Variants in CNGB3 observed in about 807,000 individuals in gnomAD.
The protein encoded by CNGB3 is cyclic nucleotide gated channel subunit beta 3.
In CNGB3, 86 loss-of-function variants were observed where a neutral mutation model predicts 92.8. That is an observed-to-expected ratio of 0.93 (90% CI 0.78 to 1.11). The LOEUF (loss-of-function observed/expected upper bound fraction) is 1.11, where lower values mean the gene tolerates loss of function less well. CNGB3 is among the 50% of genes least tolerant of loss of function. The pLI is 0.00. For synonymous variants in CNGB3, 333 were observed against 332.7 expected (o/e 1.00, Z -0.01); for missense variants, 1,026 against 956.8 (o/e 1.07, Z -0.95).
intron 6 of CNGB3, chr8:86,660,526 T>C: frequency 1.9e-6 from 1 of 533,434 alleles, no homozygotes; most frequent in Non-Finnish European, 3.8e-6. Flanking sequence ...AGGGACGATT[T>C]TTCTCATGCA....
At chr8:86,684,358 G>A (rs1824142219) in intron 3 of CNGB3, among the ~76,000 whole-genome samples, 1 of 152,074 alleles carries the variant, frequency 6.6e-6, no homozygotes, top group African/African-American at 2.4e-5. Context: ...ATGCTGGCAA[G>A]CCTGGGAAGA....
chr8:86,675,194 T>G (rs2131622609), intron 3 of CNGB3, among the ~76,000 whole-genome samples: 1 of 152,214 alleles, frequency 6.6e-6, no homozygotes, highest in Non-Finnish European at 1.5e-5. Flanking sequence ...ACTCCTGACC[T>G]CATGTGATCC....
At chr8:86,704,173 C>G (rs1279700860) in intron 3 of CNGB3, 10 of 152,132 alleles carry the variant, frequency 6.6e-5, no homozygotes, top group Admixed American at 6.6e-4. Context: ...TAAAGCAAGC[C>G]AGAGAAGAGA....
chr8:86,691,600 T>C (rs1212131051), intron 3 of CNGB3, among the ~76,000 whole-genome samples: 1 of 152,202 alleles, frequency 6.6e-6, no homozygotes, highest in Non-Finnish European at 1.5e-5. Flanking sequence ...CTAGTTGAGC[T>C]TCTTTGGATC....
chr8:86,639,401 A>G (rs575765860), intron 10 of CNGB3, among the ~76,000 whole-genome samples: 1 of 152,220 alleles, frequency 6.6e-6, no homozygotes, highest in African/African-American at 2.4e-5. Flanking sequence ...ACTCAATATA[A>G]ATAAAAATGC....
intron 3 of CNGB3, among the ~76,000 whole-genome samples, chr8:86,692,952 G>C (rs528221472): frequency 6.6e-6 from 1 of 152,204 alleles, no homozygotes; most frequent in Admixed American, 6.5e-5. Flanking sequence ...GGATTTGTTT[G>C]TCTGGGAAAG....
chr8:86,594,434 T>A (rs1822124730), intron 15 of CNGB3: 2 of 291,298 alleles, frequency 6.9e-6, no homozygotes, highest in South Asian at 6.3e-5. Flanking sequence ...ATCCACTGTG[T>A]GGTGCATGTT....
intron 2 of CNGB3, among the ~76,000 whole-genome samples, chr8:86,738,756 G>A (rs1825288601): frequency 6.6e-6 from 1 of 151,724 alleles, no homozygotes; most frequent in South Asian, 2.1e-4. Context: ...CAGGAGAATG[G>A]CCTGAACCCG....
At chr8:86,642,059 T>C (rs1823199204) in intron 10 of CNGB3, among the ~76,000 whole-genome samples, 1 of 151,760 alleles carries the variant, frequency 6.6e-6, no homozygotes, top group Non-Finnish European at 1.5e-5. Flanking sequence ...CTCTTCCTGC[T>C]TTTATATACC....
At chr8:86,579,343 A>G (rs1293031654) in intron 15 of CNGB3, 91 bp from the exon 16 acceptor site, 3 of 1,422,856 alleles carry the variant, frequency 2.1e-6, no homozygotes, top group Non-Finnish European at 2.9e-6. Flanking sequence ...ATAAGTATTT[A>G]TACTGCTTCA....
intron 3 of CNGB3, among the ~76,000 whole-genome samples, chr8:86,719,090 A>G (rs550714641): frequency 6.6e-6 from 1 of 151,972 alleles, no homozygotes; most frequent in East Asian, 1.9e-4. Context: ...AGTTGAAAGC[A>G]TTCCCCTTGA....
At chr8:86,686,008 G>T (rs2131632087) in intron 3 of CNGB3, among the ~76,000 whole-genome samples, 1 of 152,134 alleles carries the variant, frequency 6.6e-6, no homozygotes, top group African/African-American at 2.4e-5. Context: ...GGAGAATAAT[G>T]TATTAATAAT....
intron 14 of CNGB3, among the ~76,000 whole-genome samples, chr8:86,606,350 C>T (rs1221027667): frequency 6.6e-6 from 1 of 151,842 alleles, no homozygotes; most frequent in Admixed American, 6.6e-5. Context: ...AGGGTTTTGC[C>T]ATGTTGTCCA....
intron 6 of CNGB3, chr8:86,658,311 G>A (rs983232222): frequency 3.6e-5 from 18 of 493,824 alleles, no homozygotes; most frequent in African/African-American, 9.9e-5. Context: ...CAGTTCCTCC[G>A]GGATGCTTGG....
At chr8:86,589,994 C>G (rs974902417) in intron 15 of CNGB3, among the ~76,000 whole-genome samples, 5 of 145,918 alleles carry the variant, frequency 3.4e-5, no homozygotes, top group Admixed American at 2.7e-4. Flanking sequence ...GTAGGTCACT[C>G]AGGACTTGCT....
At chr8:86,700,708 G>C (rs1482940081) in intron 3 of CNGB3, among the ~76,000 whole-genome samples, 1 of 152,054 alleles carries the variant, frequency 6.6e-6, no homozygotes, top group Non-Finnish European at 1.5e-5. Context: ...GCATGATCTC[G>C]GCTCACTGCA....
At chr8:86,653,462 A>G (rs932202323) in intron 7 of CNGB3, among the ~76,000 whole-genome samples, 4 of 152,110 alleles carry the variant, frequency 2.6e-5, no homozygotes, top group South Asian at 2.1e-4. Context: ...GTGAGAGGCT[A>G]GAGTTCACTC....
chr8:86,625,958 G>T, intron 13 of CNGB3, 25 bp downstream of exon 13: 1 of 1,535,960 alleles, frequency 6.5e-7, no homozygotes, highest in Non-Finnish European at 9.0e-7. Context: ...TAGATACAGA[G>T]TCTATTAATT....
chr8:86,728,019 A>C (rs576217142), intron 2 of CNGB3, among the ~76,000 whole-genome samples: 24 of 152,302 alleles, frequency 1.6e-4, no homozygotes, highest in African/African-American at 5.8e-4. Context: ...TAAAATTTTT[A>C]AAAGTTTAAG....
Sources: allele counts gnomAD v4.1 joint callset (sites outside exome capture counted in the v4.1 genomes callset), GRCh38; gene constraint gnomAD v4.1.1; transcripts MANE v1.5; gene names NCBI Gene and HGNC (gene_info 2026-07-23, HGNC 2026-07-21).